Variants in MIA2 observed in about 807,000 individuals in gnomAD.
The protein encoded by MIA2 is melanoma inhibitory activity protein 2.
Under a neutral mutation model 167.8 loss-of-function variants are expected in MIA2, and 127 were observed. The ratio of observed to expected loss-of-function variants is 0.76; its 90% CI spans 0.66 to 0.88. The LOEUF is 0.88. Ranked by LOEUF, MIA2 falls within the 40% of genes least tolerant of loss-of-function variation. The probability of loss-of-function intolerance (pLI) is 0.00; values close to 1 mark genes in which losing one functional copy is unlikely to be tolerated. For synonymous variants in MIA2, 552 were observed against 541.9 expected (o/e 1.02, Z -0.26); for missense variants, 1,690 against 1,624.7 (o/e 1.04, Z -0.69).
chr14:39,336,052 T>C (rs137946040), intron 25 of MIA2, among the ~76,000 whole-genome samples: 275 of 152,352 alleles, frequency 1.8e-3, no homozygotes, highest in African/African-American at 6.0e-3. Flanking sequence ...TTGTGAATAG[T>C]GTTACGATAA....
chr14:39,266,475 G>A, intron 6 of MIA2: 1 of 985,470 alleles, frequency 1.0e-6, no homozygotes, highest in Non-Finnish European at 1.2e-6. Flanking sequence ...TGGGTAACTG[G>A]CCGCTAATGG....
At chr14:39,289,801 G>T (rs941888189) in intron 9 of MIA2, among the ~76,000 whole-genome samples, 1 of 152,130 alleles carries the variant, frequency 6.6e-6, no homozygotes, top group Non-Finnish European at 1.5e-5. Flanking sequence ...AATCTTGGGG[G>T]CAAAAGTTAA....
intron 6 of MIA2, among the ~76,000 whole-genome samples, chr14:39,259,513 T>TTC (rs897599150): frequency 6.6e-6 from 1 of 151,908 alleles, no homozygotes; most frequent in Non-Finnish European, 1.5e-5. Flanking sequence ...CACTTTTCTT[T>TTC]TCTCTCTCTC....
At chr14:39,344,462 G>A (rs984767900) in intron 25 of MIA2, among the ~76,000 whole-genome samples, 2 of 152,334 alleles carry the variant, frequency 1.3e-5, no homozygotes, top group South Asian at 2.1e-4. Flanking sequence ...TTGAAAGGGA[G>A]TGTAAATGAG....
At chr14:39,327,833 T>C (rs1338930311) in intron 25 of MIA2, among the ~76,000 whole-genome samples, 1 of 152,176 alleles carries the variant, frequency 6.6e-6, no homozygotes, top group Admixed American at 6.6e-5. Flanking sequence ...TATTCCATGG[T>C]GTGTATGTGC....
At chr14:39,332,938 C>T (rs1411266156) in intron 25 of MIA2, among the ~76,000 whole-genome samples, 9 of 152,170 alleles carry the variant, frequency 5.9e-5, no homozygotes, top group African/African-American at 1.7e-4. Context: ...TTGTCATCTC[C>T]ATTCTGTTAT....
Position 39,276,972 on chromosome 14 carries a change from T to C in MIA2, c.1926T>C (p.Ser642=), listed in dbSNP as rs753888024. The change falls in exon 7 of 29, where the codon TCT becomes TCC. Residue 642 remains serine (S), a synonymous_variant. Transcript: ENST00000640607. ...TGCCTGAAGGTATGAGACCAGATTC[T>C]AATCTTTATGGTTTTCCATGGGAAT... is the stretch of plus-strand genomic sequence containing the variant. ...AALPEGMRPD[S]NLYGFPWELV... 6.2e-7 allele frequency: 1 copy of C among 1,613,958 alleles called. No individual in the cohort carries two copies. Among genetic ancestry groups the C allele is most frequent in the African/African-American group, 1.3e-5 (1 of 75,046 alleles).
chr14:39,281,367 G>T (rs1037853507), intron 9 of MIA2, among the ~76,000 whole-genome samples: 1 of 151,788 alleles, frequency 6.6e-6, no homozygotes, highest in Non-Finnish European at 1.5e-5. Context: ...CTTTTCCAGG[G>T]TTTCCATCTT....
intron 12 of MIA2, 71 bp from the exon 13 acceptor site, chr14:39,294,854 G>A (rs2061206065): frequency 1.0e-6 from 1 of 981,102 alleles, no homozygotes; most frequent in Admixed American, 1.9e-5. Flanking sequence ...CTGTGTTCTA[G>A]GGAGTATGTG....
intron 15 of MIA2, 57 bp from the exon 16 acceptor site, chr14:39,303,421 A>G (rs1429569916): frequency 1.7e-5 from 22 of 1,258,348 alleles, no homozygotes; most frequent in South Asian, 2.5e-5. Context: ...TTTGATGTCT[A>G]TTGTCGTATT....
chr14:39,288,446 TATATATATATATATA>T (rs1325996267), intron 9 of MIA2, among the ~76,000 whole-genome samples: 4,839 of 27,962 alleles, frequency 0.17, 716 homozygotes, highest in Non-Finnish European at 0.21. Context: ...TATATATATA[TATATATATATATATA>T]TATATATATA....
chr14:39,329,733 G>A (rs547414992), intron 25 of MIA2, among the ~76,000 whole-genome samples: 149 of 151,192 alleles, frequency 9.9e-4, no homozygotes, highest in Non-Finnish European at 1.9e-3. Context: ...TAATCATGTG[G>A]TTTTTGTCAT....
chr14:39,335,559 C>A (rs1213999361), intron 25 of MIA2, among the ~76,000 whole-genome samples: 1 of 152,142 alleles, frequency 6.6e-6, no homozygotes, highest in East Asian at 1.9e-4. Flanking sequence ...TAACTTATCT[C>A]TTTTCTCATA....
intron 6 of MIA2, chr14:39,269,164 T>C (rs1038998017): frequency 1.6e-6 from 1 of 641,398 alleles, no homozygotes. Flanking sequence ...TTAAATTTTT[T>C]TTTTATTTTT....
intron 13 of MIA2, among the ~76,000 whole-genome samples, chr14:39,297,619 A>C (rs1262798145): frequency 6.6e-6 from 1 of 151,134 alleles, no homozygotes; most frequent in Non-Finnish European, 1.5e-5. Context: ...TAGATGTCCC[A>C]GAGTCTCAGG....
intron 23 of MIA2, among the ~76,000 whole-genome samples, chr14:39,364,049 T>C (rs1365768509): frequency 6.6e-6 from 1 of 152,156 alleles, no homozygotes; most frequent in Non-Finnish European, 1.5e-5. Flanking sequence ...GGTGAACTTA[T>C]TTTTGGCATT....
rs1398796343 is a variant in MIA2 at position 39,288,480 on chromosome 14, T to TTG, written c.2131-2538_2131-2537insGT. 5.1e-4 allele frequency among the ~76,000 whole-genome samples: 34 copies of TTG among 67,324 alleles called. 1 individual carries two copies. The highest frequency in any genetic ancestry group is 2.1e-3 in the South Asian group (3 of 1,438). 44.2% of individuals were successfully genotyped at this position (67,324 alleles called of 152,430 possible). ...ATATATATATATATATATATATTTT[T>TTG]TTTTTTTTTTTTGAGACGGAGTCTG... On this transcript the variant is annotated intron_variant, in intron 9 of 28. Transcript: ENST00000640607.
intron 23 of MIA2, among the ~76,000 whole-genome samples, chr14:39,367,464 C>T (rs1037623480): frequency 2.6e-5 from 4 of 152,296 alleles, no homozygotes; most frequent in Middle Eastern, 3.4e-3. Context: ...GCAATGCTAA[C>T]GTGCTATGTC....
At chr14:39,364,936 T>C (rs185380912) in intron 23 of MIA2, among the ~76,000 whole-genome samples, 432 of 152,298 alleles carry the variant, frequency 2.8e-3, no homozygotes, top group African/African-American at 9.9e-3. Flanking sequence ...GAATACCTTT[T>C]TGAATTTTAC....
Sources: gnomAD v4.1 joint callset for allele counts (sites outside exome capture counted in the v4.1 genomes callset) on GRCh38, gnomAD v4.1.1 for gene constraint, MANE v1.5 for transcripts, NCBI Gene and HGNC (gene_info 2026-07-23, HGNC 2026-07-21) for gene names.